Variants in ARHGAP32 observed in about 807,000 individuals in gnomAD.
The protein encoded by ARHGAP32 is Rho GTPase activating protein 32.
Under a neutral mutation model 186.5 loss-of-function variants are expected in ARHGAP32, and 51 were observed. The observed-to-expected ratio is 0.27, with a 90% CI of 0.22 to 0.35. The LOEUF is 0.35. ARHGAP32 is among the 10% of genes least tolerant of loss of function. ARHGAP32 has a pLI of 1.00. For missense variants in ARHGAP32, 2,186 were observed against 2,623.5 expected (o/e 0.83, Z 3.64); for synonymous variants, 950 against 964.3 (o/e 0.99, Z 0.27).
chr11:129,213,739 A>G (rs1185225412), intron 1 of ARHGAP32, among the ~76,000 whole-genome samples: 1 of 152,136 alleles, frequency 6.6e-6, no homozygotes, highest in East Asian at 1.9e-4. Flanking sequence ...AGCCATTTTA[A>G]AACACTTCAA....
intron 2 of ARHGAP32, among the ~76,000 whole-genome samples, chr11:129,147,941 T>G (rs1350676714): frequency 2.6e-5 from 4 of 152,162 alleles, no homozygotes; most frequent in African/African-American, 9.7e-5. Context: ...ACTATTCAAC[T>G]AGATTAATAC....
intron 1 of ARHGAP32, among the ~76,000 whole-genome samples, chr11:129,178,298 C>A (rs1943966752): frequency 6.6e-6 from 1 of 151,782 alleles, no homozygotes; most frequent in Non-Finnish European, 1.5e-5. Flanking sequence ...AAAGAGGATA[C>A]AAACAAATGG....
intron 1 of ARHGAP32, among the ~76,000 whole-genome samples, chr11:129,172,375 T>G (rs1943784983): frequency 6.6e-6 from 1 of 152,204 alleles, no homozygotes; most frequent in African/African-American, 2.4e-5. Context: ...GTTTTTAACG[T>G]GAAGGGATGT....
chr11:129,003,297 T>C (rs1218564694), intron 11 of ARHGAP32, among the ~76,000 whole-genome samples: 6 of 152,214 alleles, frequency 3.9e-5, no homozygotes, highest in Non-Finnish European at 7.3e-5. Flanking sequence ...TGCTAGTATT[T>C]TGAGAATTTT....
intron 1 of ARHGAP32, among the ~76,000 whole-genome samples, chr11:129,199,946 G>T (rs1451370553): frequency 6.6e-6 from 1 of 152,226 alleles, no homozygotes; most frequent in Non-Finnish European, 1.5e-5. Context: ...TCTTGCATCA[G>T]TGTGACCTGG....
In ARHGAP32 at chr11:128,999,065, C is replaced by A. The variant is rs895969984; in HGVS notation, c.1046-597G>T. ...ATTTTCAGGGAACAAGGGAGATAAC[C>A]ATAAGGCCTGACTGCCTGTGGGGCC... On this transcript the variant is annotated intron_variant, in intron 11 of 22. Transcript: ENST00000682385. 5.9e-5 allele frequency among the ~76,000 whole-genome samples: 9 copies of A among 152,156 alleles called. No homozygotes were observed. The South Asian group carries it at 8.3e-4, about 14-fold the overall frequency.
intron 6 of ARHGAP32, among the ~76,000 whole-genome samples, chr11:129,091,772 C>A (rs1490118799): frequency 6.6e-6 from 1 of 152,094 alleles, no homozygotes; most frequent in Non-Finnish European, 1.5e-5. Context: ...GTAGTCCCCA[C>A]TGCTAACACT....
intron 1 of ARHGAP32, among the ~76,000 whole-genome samples, chr11:129,191,718 G>A (rs903799248): frequency 6.6e-6 from 1 of 151,582 alleles, no homozygotes; most frequent in African/African-American, 2.4e-5. Context: ...AAGAAAAAGA[G>A]GAAGAAAAAT....
At position 129,185,121 on chromosome 11, in the gene ARHGAP32, T is replaced by C. The variant is rs1338922693; in HGVS notation, c.116+6962A>G. 2.6e-5 allele frequency among the ~76,000 whole-genome samples: 4 copies of C among 152,192 alleles called. 1 individual carries two copies. The highest frequency in any genetic ancestry group is 2.6e-4 in the Admixed American group (4 of 15,270). ...TACTGGGTAGATACCCAAAGGATTA[T>C]AAATCATGCTGCTATAAAGACACAT... On this transcript the variant is annotated intron_variant, in intron 1 of 22. Coordinates refer to ENST00000682385, the MANE Select transcript of ARHGAP32 (RefSeq NM_001378024.1).
At chr11:129,064,347 T>C (rs1430479456) in intron 8 of ARHGAP32, among the ~76,000 whole-genome samples, 5 of 152,146 alleles carry the variant, frequency 3.3e-5, no homozygotes, top group African/African-American at 7.2e-5. Flanking sequence ...TGGCCCATAG[T>C]TCTATATTCT....
chr11:129,251,851 T>A (rs1222255613), intron 1 of ARHGAP32, among the ~76,000 whole-genome samples: 1 of 151,292 alleles, frequency 6.6e-6, no homozygotes, highest in East Asian at 1.9e-4. Flanking sequence ...AGGAGAACTG[T>A]TTGAACCCAG....
At position 128,976,644 on chromosome 11, in the gene ARHGAP32, A is replaced by G; in HGVS notation, c.2123-10T>C. 6.2e-7 allele frequency: 1 copy of G among 1,610,970 alleles called. No homozygotes were observed. Among genetic ancestry groups the G allele is most frequent in the Non-Finnish European group, 8.5e-7 (1 of 1,177,172 alleles). On this transcript the variant is annotated splice_polypyrimidine_tract_variant and intron_variant, in intron 19 of 22. Transcript: ENST00000682385. ...CCTTCTGCCCTGCCACCTGAAGAATAAAAAACACATAGTGTGAAGATTTCT... is the reference window on the plus strand; with the variant it reads ...CCTTCTGCCCTGCCACCTGAAGAATGAAAAACACATAGTGTGAAGATTTCT...
At chr11:129,095,303 G>GT (rs1941700061) in intron 5 of ARHGAP32, among the ~76,000 whole-genome samples, 1 of 152,208 alleles carries the variant, frequency 6.6e-6, no homozygotes. Flanking sequence ...GTTAGACAGG[G>GT]TAAGGAGAAG....
intron 2 of ARHGAP32, among the ~76,000 whole-genome samples, chr11:129,130,348 T>C (rs969477621): frequency 4.6e-5 from 7 of 151,526 alleles, no homozygotes; most frequent in African/African-American, 1.7e-4. Flanking sequence ...AGGATGGAAA[T>C]TCATTCATTA....
At chr11:129,052,307 T>C (rs915504441) in intron 10 of ARHGAP32, among the ~76,000 whole-genome samples, 4 of 152,226 alleles carry the variant, frequency 2.6e-5, no homozygotes, top group African/African-American at 9.6e-5. Flanking sequence ...TTGAAAACTG[T>C]AGCTTTGTAG....
intron 1 of ARHGAP32, among the ~76,000 whole-genome samples, chr11:129,248,022 G>A (rs1451433228): frequency 6.6e-6 from 1 of 152,014 alleles, no homozygotes; most frequent in Non-Finnish European, 1.5e-5. Flanking sequence ...TGATTAAAAG[G>A]AAAGTGAGGG....
intron 2 of ARHGAP32, among the ~76,000 whole-genome samples, chr11:129,129,818 A>G (rs1942771320): frequency 6.6e-6 from 1 of 152,122 alleles, no homozygotes; most frequent in Non-Finnish European, 1.5e-5. Flanking sequence ...ATATTATTCA[A>G]TCTTTACTTT....
intron 2 of ARHGAP32, among the ~76,000 whole-genome samples, chr11:129,150,867 C>G (rs1481651940): frequency 6.6e-6 from 1 of 150,960 alleles, no homozygotes; most frequent in Non-Finnish European, 1.5e-5. Flanking sequence ...CCTCACATCT[C>G]AATACTAACA....
chr11:129,221,659 AG>A (rs1591704138), intron 1 of ARHGAP32, among the ~76,000 whole-genome samples: 2 of 151,796 alleles, frequency 1.3e-5, no homozygotes, highest in African/African-American at 4.8e-5. Context: ...AATGAGGAAG[AG>A]TACAAGCAGT....
Sources: gnomAD v4.1 joint callset for allele counts (sites outside exome capture counted in the v4.1 genomes callset) on GRCh38, gnomAD v4.1.1 for gene constraint, MANE v1.5 for transcripts, NCBI Gene and HGNC (gene_info 2026-07-23, HGNC 2026-07-21) for gene names.